The following MTA3 variants were observed in gnomAD, a reference collection of about 807,000 sequenced individuals.
The protein encoded by MTA3 is metastasis-associated protein MTA3.
In MTA3, 34 loss-of-function variants were observed where a neutral mutation model predicts 83.5. The observed-to-expected ratio is 0.41, with a 90% CI of 0.31 to 0.54. The LOEUF is 0.54. Among genes scored for constraint, MTA3 ranks in the 20% least tolerant of loss-of-function variants. The pLI is 0.33. For missense variants in MTA3, 761 were observed against 726.4 expected, an observed-to-expected ratio of 1.05 and a Z score of -0.55; for synonymous variants, 303 against 252.7, an observed-to-expected ratio of 1.20 and a Z score of -1.89.
chr2:42,753,969 A>C lies in MTA3; in HGVS notation c.*570A>C. The C allele has an allele frequency of 1.0e-6, 1 of 985,370 alleles. No individual in the cohort carries two copies. The highest frequency in any genetic ancestry group is 1.2e-6 in the Non-Finnish European group (1 of 830,138). 61.0% of individuals were successfully genotyped at this position (985,370 alleles called of 1,614,324 possible). On this transcript the variant is annotated 3_prime_UTR_variant, in exon 17 of 17. Coordinates refer to ENST00000405094, the MANE Select transcript of MTA3 (RefSeq NM_001330442.2). The stretch of plus-strand genomic sequence containing the variant: ...CATCCTTGTTTTTTTGAAATGGGGG[A>C]ATTTGCTGTTTACCCTCTGCATTCC...
intron 2 of MTA3, among the ~76,000 whole-genome samples, chr2:42,574,549 C>A (rs1158377208): frequency 6.6e-6 from 1 of 152,036 alleles, no homozygotes; most frequent in African/African-American, 2.4e-5. Flanking sequence ...TGATTCTCCT[C>A]CCTCAGCCTC....
chr2:42,747,875 C>T (rs1370852648), intron 16 of MTA3, among the ~76,000 whole-genome samples: 1 of 151,688 alleles, frequency 6.6e-6, no homozygotes, highest in African/African-American at 2.4e-5. Flanking sequence ...AAACCATCAC[C>T]ACAATCAAAA....
At chr2:42,647,990 G>A (rs1297219918) in intron 6 of MTA3, among the ~76,000 whole-genome samples, 1 of 152,148 alleles carries the variant, frequency 6.6e-6, no homozygotes, top group African/African-American at 2.4e-5. Context: ...ACAGGTGCCT[G>A]CCACCACACC....
At chr2:42,569,745 G>T (rs1208592101) in intron 1 of MTA3, 1 of 152,204 alleles carries the variant, frequency 6.6e-6, no homozygotes, top group Non-Finnish European at 1.5e-5. Context: ...TATCCTTTTA[G>T]TTGAAAGCCT....
chr2:42,754,908 T>C lies in MTA3; in HGVS notation c.*1509T>C. 3 of 985,598 alleles carry C rather than the reference T, an allele frequency of 3.0e-6. No individual in the cohort carries two copies. Among genetic ancestry groups the C allele is most frequent in the Non-Finnish European group, 3.6e-6 (3 of 830,074 alleles). 61.1% of individuals were successfully genotyped at this position (985,598 alleles called of 1,614,324 possible). ...AGGGCGGTTTTGCAGACATCTCAGCTTCTTTTCTGAGGAGGAGTTGGTTCT... is the reference window on the plus strand; with the variant it reads ...AGGGCGGTTTTGCAGACATCTCAGCCTCTTTTCTGAGGAGGAGTTGGTTCT... On this transcript the variant is annotated 3_prime_UTR_variant, in exon 17 of 17. Transcript: ENST00000405094.
At chr2:42,688,239 T>C (rs1692564166) in intron 9 of MTA3, among the ~76,000 whole-genome samples, 2 of 152,206 alleles carry the variant, frequency 1.3e-5, no homozygotes, top group African/African-American at 2.4e-5. Context: ...CATGTCTGGC[T>C]AACTTTCTTT....
intron 2 of MTA3, among the ~76,000 whole-genome samples, chr2:42,548,831 T>TATATATATATATAATATATATA: frequency 1.2e-4 from 1 of 8,534 alleles, no homozygotes; most frequent in African/African-American, 4.0e-4. Flanking sequence ...ATATATATAA[T>TATATATATATATAATATATATA]ATATATATAT....
At chr2:42,750,688 C>G (rs372080920) in intron 16 of MTA3, among the ~76,000 whole-genome samples, 1 of 152,190 alleles carries the variant, frequency 6.6e-6, no homozygotes, top group Non-Finnish European at 1.5e-5. Flanking sequence ...GCTGGGGGCT[C>G]ACCATTCAGT....
At chr2:42,702,975 G>T (rs373388990) in intron 11 of MTA3, 1 of 152,356 alleles carries the variant, frequency 6.6e-6, no homozygotes, top group Admixed American at 6.5e-5. Context: ...CTCCCCAAAA[G>T]AAAGGGTCTC....
At chr2:42,709,136 T>G (rs768142855) in intron 14 of MTA3, 40 bp downstream of exon 14, 1 of 1,533,698 alleles carries the variant, frequency 6.5e-7, no homozygotes, top group Non-Finnish European at 8.8e-7. Context: ...ATGTTGTGCT[T>G]CTGACCATTT....
Position 42,635,989 on chromosome 2 carries a change from C to CTA in MTA3, c.318-4181_318-4180dup, listed in dbSNP as rs541827632. On this transcript the variant is annotated intron_variant, in intron 4 of 16. Coordinates refer to ENST00000405094, the MANE Select transcript of MTA3 (RefSeq NM_001330442.2). ...CCATGTTGCCCAGGCTGGTCTTGAACTATACCTGAGCTCAGGCAATCTGCC... is the reference window on the plus strand; with the variant it reads ...CCATGTTGCCCAGGCTGGTCTTGAACTATATACCTGAGCTCAGGCAATCTGCC... Among the ~76,000 whole-genome samples the CTA allele has an allele frequency of 5.5e-3, 834 of 152,234 alleles. 8 individuals carry two copies. Among genetic ancestry groups the CTA allele is most frequent in the African/African-American group, 0.019 (776 of 41,548 alleles).
At chr2:42,580,133 G>A (rs1229418029) in intron 3 of MTA3, among the ~76,000 whole-genome samples, 2 of 151,972 alleles carry the variant, frequency 1.3e-5, no homozygotes, top group East Asian at 3.9e-4. Flanking sequence ...GTGTTACAGA[G>A]ATAGAGTCTC....
At chr2:42,727,357 C>T (rs183815758) in intron 16 of MTA3, among the ~76,000 whole-genome samples, 1 of 152,332 alleles carries the variant, frequency 6.6e-6, no homozygotes, top group East Asian at 1.9e-4. Context: ...CCTAGGATGT[C>T]GGTCCAGCAG....
At chr2:42,615,793 T>C (rs1007391471) in intron 4 of MTA3, among the ~76,000 whole-genome samples, 3 of 143,328 alleles carry the variant, frequency 2.1e-5, no homozygotes, top group Non-Finnish European at 4.5e-5. Flanking sequence ...TGATCTTGGC[T>C]CACTGCAAGC....
intron 4 of MTA3, among the ~76,000 whole-genome samples, chr2:42,639,290 T>C (rs2104295115): frequency 6.6e-6 from 1 of 152,278 alleles, no homozygotes; most frequent in Non-Finnish European, 1.5e-5. Flanking sequence ...CTTTTGGAGA[T>C]GTCTTAATTT....
chr2:42,687,745 G>A (rs1305627657), intron 9 of MTA3, among the ~76,000 whole-genome samples: 1 of 152,178 alleles, frequency 6.6e-6, no homozygotes, highest in Non-Finnish European at 1.5e-5. Flanking sequence ...TGCAGGATTT[G>A]GAGAGCAGAA....
intron 3 of MTA3, among the ~76,000 whole-genome samples, chr2:42,605,276 C>A (rs1683135054): frequency 1.2e-5 from 1 of 86,384 alleles, no homozygotes. Context: ...GACACCCCCA[C>A]CTCCCTCCCG....
At chr2:42,516,687 G>T (rs1046540428) in intron 2 of MTA3, among the ~76,000 whole-genome samples, 1 of 152,174 alleles carries the variant, frequency 6.6e-6, no homozygotes, top group Non-Finnish European at 1.5e-5. Flanking sequence ...GCCTGTTTAA[G>T]CAGCTTTAGA....
intron 2 of MTA3, among the ~76,000 whole-genome samples, chr2:42,506,734 A>G (rs1295242582): frequency 1.3e-5 from 2 of 151,800 alleles, no homozygotes; most frequent in Admixed American, 6.6e-5. Context: ...CTCTGTCCCA[A>G]GTAGCTGGGA....
Sources: gnomAD v4.1 joint callset for allele counts (sites outside exome capture counted in the v4.1 genomes callset) on GRCh38, gnomAD v4.1.1 for gene constraint, MANE v1.5 for transcripts, NCBI Gene and HGNC (gene_info 2026-07-23, HGNC 2026-07-21) for gene names.